Variants in TAFA1 observed in about 807,000 individuals in gnomAD.
The protein encoded by TAFA1 is TAFA chemokine like family member 1.
TAFA1 carries 4 observed loss-of-function variants against 18.5 expected under a neutral mutation model. The observed-to-expected ratio is 0.22, with a 90% CI of 0.11 to 0.49. The LOEUF is 0.49. Ranked by LOEUF, TAFA1 falls within the 20% of genes least tolerant of loss-of-function variation. The pLI, the probability that TAFA1 is intolerant of heterozygous loss-of-function variation, is 0.98. For synonymous variants in TAFA1, 56 were observed against 55.2 expected, an observed-to-expected ratio of 1.01 and a Z score of -0.06; for missense variants, 147 against 169.0, an observed-to-expected ratio of 0.87 and a Z score of 0.72.
intron 3 of TAFA1, among the ~76,000 whole-genome samples, chr3:68,518,200 C>A (rs1352960280): frequency 1.3e-5 from 2 of 152,152 alleles, no homozygotes; most frequent in Non-Finnish European, 2.9e-5. Context: ...TGTTATGTAG[C>A]CTCCTTTTGA....
At chr3:68,410,130 T>C (rs886624337) in intron 2 of TAFA1, among the ~76,000 whole-genome samples, 2 of 152,190 alleles carry the variant, frequency 1.3e-5, no homozygotes, top group African/African-American at 4.8e-5. Flanking sequence ...TGAAATGCTA[T>C]CTTTTTCTCT....
chr3:68,497,107 A>G (rs2072563093), intron 3 of TAFA1, among the ~76,000 whole-genome samples: 1 of 152,192 alleles, frequency 6.6e-6, no homozygotes, highest in Non-Finnish European at 1.5e-5. Context: ...AGACATGATT[A>G]TAATACCACC....
chr3:68,073,056 G>A (rs888361551), intron 2 of TAFA1, among the ~76,000 whole-genome samples: 6 of 152,156 alleles, frequency 3.9e-5, no homozygotes, highest in African/African-American at 1.4e-4. Context: ...TGTGTGCAAT[G>A]ACATGCATTT....
chr3:68,535,684 C>T (rs2073268558), intron 3 of TAFA1, among the ~76,000 whole-genome samples: 2 of 152,056 alleles, frequency 1.3e-5, no homozygotes, highest in African/African-American at 4.8e-5. Context: ...TACTGTCGAC[C>T]TAAAGGGAAG....
chr3:68,353,328 G>C (rs1339089428), intron 2 of TAFA1, among the ~76,000 whole-genome samples: 1 of 152,088 alleles, frequency 6.6e-6, no homozygotes, highest in Non-Finnish European at 1.5e-5. Flanking sequence ...AGATGGACTT[G>C]ATTGTGTCTC....
chr3:68,212,702 A>G (rs1018853766), intron 2 of TAFA1, among the ~76,000 whole-genome samples: 1 of 152,050 alleles, frequency 6.6e-6, no homozygotes, highest in African/African-American at 2.4e-5. Flanking sequence ...TATCCATACA[A>G]TATGCCAATC....
chr3:68,203,826 C>G (rs966750856), intron 2 of TAFA1, among the ~76,000 whole-genome samples: 11 of 151,600 alleles, frequency 7.3e-5, no homozygotes, highest in African/African-American at 2.4e-4. Context: ...ACATAGTGTT[C>G]TGGTATATTT....
chr3:68,268,749 G>A (rs2067598522), intron 2 of TAFA1, among the ~76,000 whole-genome samples: 1 of 152,076 alleles, frequency 6.6e-6, no homozygotes, highest in Non-Finnish European at 1.5e-5. Flanking sequence ...TGTAGGGGCT[G>A]CTAATGTTGC....
At chr3:68,017,548 G>A (rs1049970641) in intron 2 of TAFA1, among the ~76,000 whole-genome samples, 2 of 152,142 alleles carry the variant, frequency 1.3e-5, no homozygotes, top group African/African-American at 4.8e-5. Context: ...CATCCCTTAT[G>A]TGGGTTAATT....
chr3:68,331,739 A>G (rs1408827293), intron 2 of TAFA1, among the ~76,000 whole-genome samples: 1 of 152,186 alleles, frequency 6.6e-6, no homozygotes, highest in Admixed American at 6.5e-5. Flanking sequence ...TAAAACAGAT[A>G]CACAGACCAA....
intron 2 of TAFA1, among the ~76,000 whole-genome samples, chr3:68,042,115 C>G (rs1368323643): frequency 6.6e-6 from 1 of 152,188 alleles, no homozygotes; most frequent in Non-Finnish European, 1.5e-5. Flanking sequence ...TGACTGACCT[C>G]CATTCTTCAT....
chr3:68,372,900 G>C (rs946881473), intron 2 of TAFA1, among the ~76,000 whole-genome samples: 1 of 152,148 alleles, frequency 6.6e-6, no homozygotes, highest in Non-Finnish European at 1.5e-5. Context: ...AGGAAGAAAA[G>C]GTGTTCACAA....
chr3:68,345,024 C>T (rs927391601), intron 2 of TAFA1, among the ~76,000 whole-genome samples: 1 of 129,538 alleles, frequency 7.7e-6, no homozygotes, highest in Non-Finnish European at 1.6e-5. Context: ...CAGAGTGAGG[C>T]CCTATCTCAA....
chr3:68,366,100 A>G lies in TAFA1; in HGVS notation c.119-51180A>G, dbSNP rs567602868. Among the ~76,000 whole-genome samples, 85 of 147,892 alleles carry G rather than the reference A, an allele frequency of 5.7e-4. 1 individual carries two copies. Among genetic ancestry groups the G allele is most frequent in the African/African-American group, 2.2e-3 (82 of 37,862 alleles). On this transcript the variant is annotated intron_variant, in intron 2 of 4. Transcript: ENST00000478136. ...GACTCCATCTCAAAAAAAAAAAAAA[A>G]AAAAGAAACCATCAGATCTCGTGAG... is the stretch of plus-strand genomic sequence containing the variant.
At chr3:68,497,397 A>G (rs2072566996) in intron 3 of TAFA1, among the ~76,000 whole-genome samples, 1 of 152,194 alleles carries the variant, frequency 6.6e-6, no homozygotes, top group East Asian at 1.9e-4. Flanking sequence ...AGAGCAAGAC[A>G]CACCTATGAC....
intron 2 of TAFA1, among the ~76,000 whole-genome samples, chr3:68,050,690 A>G (rs900332014): frequency 3.3e-5 from 5 of 152,154 alleles, no homozygotes; most frequent in Admixed American, 6.6e-5. Flanking sequence ...TTAAGAGGCC[A>G]GATTTTCAGC....
intron 2 of TAFA1, among the ~76,000 whole-genome samples, chr3:68,288,687 G>T (rs775910797): frequency 6.6e-6 from 1 of 151,972 alleles, no homozygotes; most frequent in Non-Finnish European, 1.5e-5. Flanking sequence ...TTGATTCTTT[G>T]TTTATTCGTC....
chr3:68,520,411 C>T (rs922956332), intron 3 of TAFA1, among the ~76,000 whole-genome samples: 7 of 152,102 alleles, frequency 4.6e-5, no homozygotes, highest in Non-Finnish European at 1.0e-4. Flanking sequence ...CAGTTTTCTC[C>T]CAATTTCTTT....
In TAFA1 at chr3:68,056,301, TCA is replaced by T. The variant is rs577054822; in HGVS notation, c.118+49558_118+49559del. On this transcript the variant is annotated intron_variant, in intron 2 of 4. Transcript: ENST00000478136. ...CCACTTTGAGTTCCAACCTGAGTTC[TCA>T]GGTTTTAGTACTGAAAGTCCCACAT... 7.9e-5 allele frequency among the ~76,000 whole-genome samples: 12 copies of T among 152,300 alleles called. No individual in the cohort carries two copies. In the East Asian group the frequency reaches 2.1e-3, roughly 27 times the overall value.
Sources: allele counts gnomAD v4.1 joint callset (sites outside exome capture counted in the v4.1 genomes callset), GRCh38; gene constraint gnomAD v4.1.1; transcripts MANE v1.5; gene names NCBI Gene and HGNC (gene_info 2026-07-23, HGNC 2026-07-21).